Variants in DPP6 observed in about 807,000 individuals in gnomAD.
DPP6 encodes the protein A-type potassium channel modulatory protein DPP6.
DPP6 carries 69 observed loss-of-function variants against 122.6 expected under a neutral mutation model. The observed-to-expected ratio is 0.56, with a 90% CI of 0.46 to 0.69. DPP6 has a LOEUF of 0.69. DPP6 is among the 30% of genes least tolerant of loss of function. The pLI, the probability that DPP6 is intolerant of heterozygous loss-of-function variation, is 0.00. For synonymous variants in DPP6, 418 were observed against 433.1 expected, an observed-to-expected ratio of 0.97 and a Z score of 0.43; for missense variants, 928 against 1,116.9, an observed-to-expected ratio of 0.83 and a Z score of 2.41.
rs185194080 is a variant in DPP6 at position 154,105,939 on chromosome 7, C to A, written c.243+52876C>A. Among the ~76,000 whole-genome samples, 147 of 149,438 alleles carry A rather than the reference C, an allele frequency of 9.8e-4. No individual in the cohort carries two copies. The Middle Eastern group carries it at 0.01, about 10-fold the overall frequency. On this transcript the variant is annotated intron_variant, in intron 1 of 25. Transcript: ENST00000377770. ...ATTGCAGGCTCTTCAGGGCATGGCC[C>A]CGACTCGCTTTCCCATCTCACTTTT...
intron 1 of DPP6, among the ~76,000 whole-genome samples, chr7:153,989,051 C>G (rs1797000261): frequency 6.6e-6 from 1 of 150,546 alleles, no homozygotes; most frequent in South Asian, 2.2e-4. Flanking sequence ...CCTGCCCTTT[C>G]CCAGAGAGCC....
At chr7:153,764,674 A>T in the DPP6 span, among the ~76,000 whole-genome samples, 1 of 151,342 alleles carries the variant, frequency 6.6e-6, no homozygotes, top group Non-Finnish European at 1.5e-5. Flanking sequence ...TCTCACTGTG[A>T]TGCCTTCACA....
intron 1 of DPP6, among the ~76,000 whole-genome samples, chr7:154,325,062 T>C (rs564257672): frequency 6.6e-6 from 1 of 152,166 alleles, no homozygotes; most frequent in Admixed American, 6.5e-5. Flanking sequence ...AGACAAGGTT[T>C]TACCATATTA....
intron 2 of DPP6, among the ~76,000 whole-genome samples, chr7:154,451,520 C>T (rs1820377333): frequency 6.6e-6 from 1 of 152,206 alleles, no homozygotes; most frequent in African/African-American, 2.4e-5. Flanking sequence ...CTTCTCCACG[C>T]ACAGGGAGTG....
chr7:154,422,818 A>G (rs773476625), intron 1 of DPP6, among the ~76,000 whole-genome samples: 13 of 152,186 alleles, frequency 8.5e-5, no homozygotes, highest in Non-Finnish European at 1.5e-4. Context: ...AACATAGAGT[A>G]TCGGCCAGGC....
At position 154,240,960 on chromosome 7, in the gene DPP6, C is replaced by T. The variant is rs1801553207; in HGVS notation, c.243+187897C>T. ...TTTCATGATTTATTGGTGGCCTGGACCAATATACTTTGGGTCAAAAGGTGT... is the reference window on the plus strand; with the variant it reads ...TTTCATGATTTATTGGTGGCCTGGATCAATATACTTTGGGTCAAAAGGTGT... On this transcript the variant is annotated intron_variant, in intron 1 of 25. Coordinates refer to ENST00000377770, the MANE Select transcript of DPP6 (RefSeq NM_130797.4). 2.0e-5 allele frequency among the ~76,000 whole-genome samples: 3 copies of T among 152,148 alleles called. No homozygotes were observed. In the South Asian group the frequency reaches 6.2e-4, roughly 32 times the overall value.
intron 10 of DPP6, 136 bp from the exon 11 acceptor site, chr7:154,793,943 C>A: frequency 7.3e-7 from 1 of 1,372,480 alleles, no homozygotes; most frequent in Admixed American, 2.7e-5. Context: ...ATTTCAGAAG[C>A]TCGCAGGCTG....
At chr7:154,491,676 GAAGAT>G (rs1280921822) in intron 3 of DPP6, among the ~76,000 whole-genome samples, 2 of 152,180 alleles carry the variant, frequency 1.3e-5, no homozygotes, top group African/African-American at 4.8e-5. Flanking sequence ...AAGAACAGGA[GAAGAT>G]AAATAAGATG....
rs78721587 is a variant in DPP6 at position 154,303,700 on chromosome 7, C to T, written c.244-142514C>T. Among the ~76,000 whole-genome samples, 67 of 152,288 alleles carry T rather than the reference C, an allele frequency of 4.4e-4. No individual in the cohort carries two copies. The East Asian group carries it at 0.012, about 28-fold the overall frequency. On this transcript the variant is annotated intron_variant, in intron 1 of 25. Transcript: ENST00000377770. ...CATACCACACAGCAAGGGTTTCACA[C>T]GGGGTTTTCATTTCTTTACCCCTGG...
At chr7:154,031,498 TCA>T (rs1799227111) in intron 1 of DPP6, among the ~76,000 whole-genome samples, 1 of 151,910 alleles carries the variant, frequency 6.6e-6, no homozygotes, top group African/African-American at 2.4e-5. Flanking sequence ...CTAAAAAAAA[TCA>T]CAGATATTCC....
chr7:153,786,977 A>G, the DPP6 span, among the ~76,000 whole-genome samples: 6 of 144,140 alleles, frequency 4.2e-5, no homozygotes, highest in African/African-American at 1.5e-4. Flanking sequence ...TTTAATATGG[A>G]CTCTCGCTCT....
intron 7 of DPP6, among the ~76,000 whole-genome samples, chr7:154,693,147 G>A (rs1249173180): frequency 6.6e-6 from 1 of 151,702 alleles, no homozygotes; most frequent in Non-Finnish European, 1.5e-5. Context: ...TCTTTTTAAG[G>A]ATTAAAGAGT....
chr7:154,851,213 G>A (rs1802351306), intron 16 of DPP6, among the ~76,000 whole-genome samples: 1 of 150,450 alleles, frequency 6.6e-6, no homozygotes, highest in Non-Finnish European at 1.5e-5. Flanking sequence ...TTGTATGGAT[G>A]AGACAAAAGA....
intron 5 of DPP6, among the ~76,000 whole-genome samples, chr7:154,579,949 A>G (rs1445919509): frequency 6.6e-6 from 1 of 152,146 alleles, no homozygotes; most frequent in Non-Finnish European, 1.5e-5. Context: ...TTTAAAAGAG[A>G]GAGCACAGAA....
chr7:154,168,321 G>A (rs978091736), intron 1 of DPP6, among the ~76,000 whole-genome samples: 51 of 152,160 alleles, frequency 3.4e-4, no homozygotes, highest in African/African-American at 9.9e-4. Flanking sequence ...AGCTGGCCGC[G>A]CAGATCCAGG....
intron 16 of DPP6, among the ~76,000 whole-genome samples, chr7:154,827,920 C>T (rs1800306662): frequency 6.6e-6 from 1 of 152,134 alleles, no homozygotes; most frequent in Non-Finnish European, 1.5e-5. Flanking sequence ...GATGAAAACC[C>T]AGTTTCTCCC....
intron 1 of DPP6, among the ~76,000 whole-genome samples, chr7:153,954,938 A>G (rs1802390074): frequency 6.6e-6 from 1 of 152,232 alleles, no homozygotes; most frequent in Non-Finnish European, 1.5e-5. Context: ...CTGAAAGGCA[A>G]TCCTTACTAT....
chr7:154,406,811 A>G (rs1816156563), intron 1 of DPP6, among the ~76,000 whole-genome samples: 1 of 152,174 alleles, frequency 6.6e-6, no homozygotes, highest in Non-Finnish European at 1.5e-5. Flanking sequence ...GCTCATGGTG[A>G]TCAAATAAAG....
At chr7:154,684,372 T>C (rs7782204) in intron 7 of DPP6, among the ~76,000 whole-genome samples, 150,399 of 152,342 alleles carry the variant, frequency 0.99, 74,268 homozygotes, top group East Asian at 1. Context: ...TCGTGTTCAC[T>C]GCTGTGTCCT....
Sources: gnomAD v4.1 joint callset for allele counts (sites outside exome capture counted in the v4.1 genomes callset) on GRCh38, gnomAD v4.1.1 for gene constraint, MANE v1.5 for transcripts, NCBI Gene and HGNC (gene_info 2026-07-23, HGNC 2026-07-21) for gene names.